ARHGAP22: variants seen among roughly 807,000 people sequenced by gnomAD.
ARHGAP22 encodes rho GTPase-activating protein 22.
In ARHGAP22, 48 loss-of-function variants were observed where a neutral mutation model predicts 59.1. The observed-to-expected ratio is 0.81, with a 90% CI of 0.64 to 1.03. The LOEUF (loss-of-function observed/expected upper bound fraction) is 1.03. Among genes scored for constraint, ARHGAP22 ranks in the 50% least tolerant of loss-of-function variants. The pLI is 0.00. For synonymous variants in ARHGAP22, 445 were observed against 416.4 expected, an observed-to-expected ratio of 1.07 and a Z score of -0.84; for missense variants, 1,015 against 958.7, an observed-to-expected ratio of 1.06 and a Z score of -0.78.
chr10:48,585,091 G>C (rs570652925), intron 1 of ARHGAP22, among the ~76,000 whole-genome samples: 1 of 152,242 alleles, frequency 6.6e-6, no homozygotes, highest in Non-Finnish European at 1.5e-5. Context: ...GAGAGAAGCT[G>C]AGGCAGGGCT....
At chr10:48,547,694 C>A (rs921201028) in intron 3 of ARHGAP22, among the ~76,000 whole-genome samples, 18 of 152,244 alleles carry the variant, frequency 1.2e-4, no homozygotes, top group African/African-American at 4.3e-4. Flanking sequence ...CCATTCACGT[C>A]TTCCTCGGGC....
intron 2 of ARHGAP22, among the ~76,000 whole-genome samples, chr10:48,581,149 A>G (rs1266255387): frequency 5.3e-5 from 8 of 152,166 alleles, no homozygotes; most frequent in African/African-American, 1.7e-4. Context: ...GAACCAACCA[A>G]TCAGAGTTCT....
In ARHGAP22 at chr10:48,512,224, A is replaced by G. The variant is rs549396625; in HGVS notation, c.323-32460T>C. Among the ~76,000 whole-genome samples the G allele has an allele frequency of 1.5e-4, 23 of 152,358 alleles. No homozygotes were observed. The South Asian group carries it at 4.8e-3, about 32-fold the overall frequency. On this transcript the variant is annotated intron_variant, in intron 3 of 9. Transcript: ENST00000249601. Reference sequence around the variant, plus strand: ...TTCTTATTGTCCTTTGGTGTTCTCCATTGCTATTTCTCAAAGTGCACACCG... The same window carrying G: ...TTCTTATTGTCCTTTGGTGTTCTCCGTTGCTATTTCTCAAAGTGCACACCG...
chr10:48,430,899 G>A, the ARHGAP22 span: 7 of 411,710 alleles, frequency 1.7e-5, no homozygotes, highest in Non-Finnish European at 3.1e-5. Flanking sequence ...TGTAGCACAA[G>A]TTGCTGGTAG....
intron 1 of ARHGAP22, among the ~76,000 whole-genome samples, chr10:48,592,035 G>C (rs990693937): frequency 6.7e-6 from 1 of 149,310 alleles, no homozygotes; most frequent in Non-Finnish European, 1.5e-5. Flanking sequence ...CTGAGTGCCC[G>C]TTAGTAAGAA....
In ARHGAP22 at chr10:48,450,897, C is replaced by T. The variant is rs1005101170; in HGVS notation, c.1232G>A (p.Gly411Glu). 1 of 1,589,722 alleles carries T rather than the reference C, an allele frequency of 6.3e-7. No individual in the cohort carries two copies. The highest frequency in any genetic ancestry group is 8.5e-7 in the Non-Finnish European group (1 of 1,169,678). ...CCCAGGGCTGCACCGGCTCCCCGGC[C>T]CCGTGGGGGCTGTTCTGGAGAGCAC... ...VAVLSRTAPT[G>E]PGSRCSPGKK... The change falls in exon 9 of 10, where the codon GGG (glycine) becomes GAG (glutamate). Residue 411 changes from glycine to glutamate, a missense_variant. Physicochemically the swap from Gly to Glu is moderately conservative, Grantham distance 98. Coordinates refer to ENST00000249601, the MANE Select transcript of ARHGAP22 (RefSeq NM_021226.4).
Position 48,493,323 on chromosome 10 carries a change from T to A in ARHGAP22, c.323-13559A>T, listed in dbSNP as rs1421613387. ...CCCAGTCTTCATTCATGTCTTTCAT[T>A]TCTCTTTACCTGGTTGCGGCCACCA... On this transcript the variant is annotated intron_variant, in intron 3 of 9. Coordinates refer to ENST00000249601, the MANE Select transcript of ARHGAP22 (RefSeq NM_021226.4). The A allele has an allele frequency of 2.7e-6, 3 of 1,121,376 alleles. No individual in the cohort carries two copies. In the African/African-American group the frequency reaches 4.6e-5, roughly 17 times the overall value. The allele number at this position is 1,121,376 out of a possible 1,614,324, so 69.5% of individuals were successfully genotyped here.
At chr10:48,591,578 T>C (rs1486332798) in intron 1 of ARHGAP22, among the ~76,000 whole-genome samples, 1 of 152,216 alleles carries the variant, frequency 6.6e-6, no homozygotes, top group African/African-American at 2.4e-5. Flanking sequence ...GGTACTTTTT[T>C]TTTAAAGTTT....
chr10:48,492,210 A>G (rs2050469898), intron 3 of ARHGAP22, among the ~76,000 whole-genome samples: 1 of 152,252 alleles, frequency 6.6e-6, no homozygotes, highest in Non-Finnish European at 1.5e-5. Context: ...AATTGATCAA[A>G]TTATATATCT....
At chr10:48,491,547 A>G (rs931817816) in intron 3 of ARHGAP22, among the ~76,000 whole-genome samples, 1 of 152,220 alleles carries the variant, frequency 6.6e-6, no homozygotes, top group Non-Finnish European at 1.5e-5. Context: ...TGGTTGGCCC[A>G]CCCCGACTCT....
chr10:48,534,522 A>G (rs1473489375), intron 3 of ARHGAP22, among the ~76,000 whole-genome samples: 1 of 152,196 alleles, frequency 6.6e-6, no homozygotes, highest in Non-Finnish European at 1.5e-5. Flanking sequence ...AGCAGCTGTG[A>G]TGACATCAGA....
intron 1 of ARHGAP22, among the ~76,000 whole-genome samples, chr10:48,628,392 G>A (rs538464035): frequency 6.6e-6 from 1 of 152,328 alleles, no homozygotes; most frequent in South Asian, 2.1e-4. Flanking sequence ...AGAAAAGTGA[G>A]GCTCAGAGCC....
chr10:48,524,233 C>T (rs1316415424), intron 3 of ARHGAP22: 5 of 463,032 alleles, frequency 1.1e-5, no homozygotes, highest in Non-Finnish European at 1.4e-5. Context: ...ACCGCCGGCC[C>T]GCGGCTCCCG....
At chr10:48,470,517 C>T (rs2048133381) in intron 4 of ARHGAP22, among the ~76,000 whole-genome samples, 1 of 152,174 alleles carries the variant, frequency 6.6e-6, no homozygotes, top group Admixed American at 6.5e-5. Context: ...GGAAGGAGGC[C>T]CAAGTGTGCT....
At chr10:48,646,602 G>T (rs534172386) in intron 1 of ARHGAP22, among the ~76,000 whole-genome samples, 2 of 152,244 alleles carry the variant, frequency 1.3e-5, no homozygotes, top group African/African-American at 4.8e-5. Context: ...TTTAACAAAT[G>T]GTGTTGGGAC....
intron 3 of ARHGAP22, among the ~76,000 whole-genome samples, chr10:48,531,345 C>A (rs111323583): frequency 1.3e-3 from 204 of 152,154 alleles, no homozygotes; most frequent in Admixed American, 1.9e-3. Flanking sequence ...GATGGGTGCA[C>A]CAAAATCTCA....
rs2045897098 is a variant in ARHGAP22 at position 48,451,096 on chromosome 10, G to T, written c.1033C>A (p.His345Asn). The T allele has an allele frequency of 1.3e-6, 2 of 1,553,362 alleles. No homozygotes were observed. Residue 345 changes from histidine to asparagine, a missense_variant, in exon 9 of 10, where the codon CAC (histidine) becomes AAC (asparagine). Transcript: ENST00000249601. ...QHLMTVLIRK[H>N]SQLFTAPVPE... Reference sequence around the variant, plus strand: ...ACCGGTGCCGTGAAGAGCTGGCTGTGTTTGCGGATGAGGACGGTCATCAGG... The same window carrying T: ...ACCGGTGCCGTGAAGAGCTGGCTGTTTTTGCGGATGAGGACGGTCATCAGG...
intron 3 of ARHGAP22, among the ~76,000 whole-genome samples, chr10:48,549,234 C>T (rs575657305): frequency 3.4e-4 from 52 of 152,266 alleles, no homozygotes; most frequent in African/African-American, 1.2e-3. Context: ...GGAGCTGAGT[C>T]CCAGCTACTA....
intron 1 of ARHGAP22, among the ~76,000 whole-genome samples, chr10:48,617,808 C>A (rs955756077): frequency 4.6e-5 from 7 of 151,752 alleles, no homozygotes; most frequent in African/African-American, 1.5e-4. Flanking sequence ...AACCAAACCC[C>A]AAATTAGTAG....
Sources: gnomAD v4.1 joint callset for allele counts (sites outside exome capture counted in the v4.1 genomes callset) on GRCh38, gnomAD v4.1.1 for gene constraint, MANE v1.5 for transcripts, NCBI Gene and HGNC (gene_info 2026-07-23, HGNC 2026-07-21) for gene names.